Variants in STAB2 observed in about 807,000 individuals in gnomAD.
STAB2 encodes stabilin-2.
STAB2 carries 288 observed loss-of-function variants against 338.1 expected under a neutral mutation model. The observed-to-expected ratio is 0.85, with a 90% CI of 0.77 to 0.94. STAB2 has a LOEUF of 0.94. Ranked by LOEUF, STAB2 falls within the 40% of genes least tolerant of loss-of-function variation. The pLI is 0.00. For synonymous variants in STAB2, 1,202 were observed against 1,193.3 expected, an observed-to-expected ratio of 1.01 and a Z score of -0.15; for missense variants, 3,141 against 3,210.1, an observed-to-expected ratio of 0.98 and a Z score of 0.52.
intron 34 of STAB2, among the ~76,000 whole-genome samples, chr12:103,700,755 T>C (rs1223151523): frequency 6.6e-6 from 1 of 152,252 alleles, no homozygotes; most frequent in Non-Finnish European, 1.5e-5. Context: ...GCAGAAATTC[T>C]TTTATCTAGA....
At chr12:103,613,006 T>C (rs1957150096) in intron 3 of STAB2, among the ~76,000 whole-genome samples, 1 of 152,188 alleles carries the variant, frequency 6.6e-6, no homozygotes, top group South Asian at 2.1e-4. Context: ...ACAGCAAATA[T>C]TGGTGAACAG....
At chr12:103,683,076 TTA>T (rs1877071183) in intron 25 of STAB2, 127 bp from the exon 26 acceptor site, 3 of 641,348 alleles carry the variant, frequency 4.7e-6, no homozygotes, top group Non-Finnish European at 7.8e-6. Context: ...GCAAAAGGCA[TTA>T]ACACTGTTCT....
chr12:103,617,766 T>G (rs759476030), intron 3 of STAB2, among the ~76,000 whole-genome samples: 1 of 152,242 alleles, frequency 6.6e-6, no homozygotes, highest in Non-Finnish European at 1.5e-5. Flanking sequence ...ACCTGAGCTG[T>G]TGTCCTGGGG....
chr12:103,683,377 G>T (rs1041102381), intron 26 of STAB2, 77 bp downstream of exon 26: 1 of 1,343,246 alleles, frequency 7.4e-7, no homozygotes, highest in Non-Finnish European at 1.0e-6. Flanking sequence ...ATTATTTCCT[G>T]TCTGGCCTAG....
At chr12:103,703,889 G>A (rs1879117253) in intron 35 of STAB2, among the ~76,000 whole-genome samples, 1 of 152,258 alleles carries the variant, frequency 6.6e-6, no homozygotes, top group East Asian at 1.9e-4. Context: ...ACTCTACCAA[G>A]TAGGTACTAT....
chr12:103,609,839 C>T (rs1342049912), intron 3 of STAB2, among the ~76,000 whole-genome samples: 1 of 152,042 alleles, frequency 6.6e-6, no homozygotes, highest in Non-Finnish European at 1.5e-5. Context: ...ATAAATAGCT[C>T]TTATTATTTT....
At chr12:103,713,090 C>T (rs965055818) in intron 41 of STAB2, among the ~76,000 whole-genome samples, 5 of 152,160 alleles carry the variant, frequency 3.3e-5, no homozygotes, top group African/African-American at 9.7e-5. Flanking sequence ...TTCTTGACTG[C>T]TCTTTGCATT....
chr12:103,715,955 C>A, intron 43 of STAB2, 67 bp downstream of exon 43: 2 of 1,524,550 alleles, frequency 1.3e-6, no homozygotes, highest in African/African-American at 1.4e-5. Context: ...TAGACACAGG[C>A]CTGAGAGAAA....
At chr12:103,697,057 C>T (rs1878469641) in intron 33 of STAB2, among the ~76,000 whole-genome samples, 1 of 152,186 alleles carries the variant, frequency 6.6e-6, no homozygotes, top group African/African-American at 2.4e-5. Flanking sequence ...AGGAAGGCTG[C>T]TCTTCTTCCT....
chr12:103,728,329 C>G (rs1432939247), intron 47 of STAB2, among the ~76,000 whole-genome samples: 1 of 151,664 alleles, frequency 6.6e-6, no homozygotes, highest in Non-Finnish European at 1.5e-5. Context: ...AGGCTGGTCT[C>G]GAACTCCTGG....
At chr12:103,752,001 G>C (rs771443956) in intron 60 of STAB2, among the ~76,000 whole-genome samples, 2 of 152,262 alleles carry the variant, frequency 1.3e-5, no homozygotes, top group Non-Finnish European at 2.9e-5. Flanking sequence ...GTTCATAGGA[G>C]GGCAAACTGC....
Position 103,731,604 on chromosome 12 carries a change from A to G in STAB2, c.5252A>G (p.Asn1751Ser). Reference protein sequence around the residue: ...LQNLTTLATNNGYIKFSNLIQ... With the variant: ...LQNLTTLATNSGYIKFSNLIQ... ...AATCTTACGACTTTGGCAACAAACA[A>G]TGGCTACATCAAATTTAGCAACTTA... is the stretch of plus-strand genomic sequence containing the variant. Residue 1751 changes from asparagine (N) to serine (S), a missense_variant, in exon 50 of 69, where the codon AAT (asparagine) becomes AGT (serine). Coordinates refer to ENST00000388887, the MANE Select transcript of STAB2 (RefSeq NM_017564.10). 1 of 1,613,952 alleles carries G rather than the reference A, an allele frequency of 6.2e-7. No homozygotes were observed.
chr12:103,658,196 ATC>A (rs1874333881), intron 15 of STAB2, among the ~76,000 whole-genome samples: 1 of 152,230 alleles, frequency 6.6e-6, no homozygotes, highest in African/African-American at 2.4e-5. Flanking sequence ...AGGTCAAATT[ATC>A]TCTTTCTGCC....
At position 103,735,556 on chromosome 12, in the gene STAB2, G is replaced by A. The variant is rs1177981477; in HGVS notation, c.5526G>A (p.Val1842=). ...CCCTGCAAGGTTCAGAGCTGAGTGT[G>A]AAATGTGGAGCTGGCAGGGACATCG... ...WKTLQGSELS[V]KCGAGRDIGD... is the part of the protein sequence containing the mutation. The change falls in exon 52 of 69, where the codon GTG becomes GTA. Residue 1842 remains valine (V), a synonymous_variant. Coordinates refer to ENST00000388887, the MANE Select transcript of STAB2 (RefSeq NM_017564.10). 4 of 1,400,530 alleles carry A rather than the reference G, an allele frequency of 2.9e-6. No individual in the cohort carries two copies. Among genetic ancestry groups the A allele is most frequent in the Non-Finnish European group, 2.9e-6 (3 of 1,045,784 alleles). 86.8% of individuals were successfully genotyped at this position (1,400,530 alleles called of 1,614,324 possible).
chr12:103,735,581 G>A lies in STAB2; in HGVS notation c.5550+1G>A, dbSNP rs749366279. 4.1e-5 allele frequency: 47 copies of A among 1,133,906 alleles called. No individual in the cohort carries two copies. Among genetic ancestry groups the A allele is most frequent in the Middle Eastern group, 3.0e-4 (1 of 3,354 alleles). The allele number at this position is 1,133,906 out of a possible 1,614,324, so 70.2% of individuals were successfully genotyped here. A position where few individuals can be genotyped will look rare whatever the true frequency, so the allele number is the denominator to read the frequency against. On this transcript the variant is annotated splice_donor_variant, in intron 52 of 68. Transcript: ENST00000388887. LOFTEE classifies it high-confidence loss of function. Reference sequence around the variant, plus strand: ...GAAATGTGGAGCTGGCAGGGACATCGTGAGTATCATCATGAAGGGTGGGCA... The same window carrying A: ...GAAATGTGGAGCTGGCAGGGACATCATGAGTATCATCATGAAGGGTGGGCA...
At position 103,623,011 on chromosome 12, in the gene STAB2, T is replaced by G. The variant is rs12830698; in HGVS notation, c.487+900T>G. 9.7e-3 allele frequency among the ~76,000 whole-genome samples: 1,482 copies of G among 152,342 alleles called. 6 individuals are homozygous for G. Among genetic ancestry groups the G allele is most frequent in the South Asian group, 0.045 (215 of 4,830 alleles). ...TAAAGAAACAAATTTGAGACTGGCT[T>G]GTTCACTCTCTTATTTTTGGCTGCC... is the stretch of plus-strand genomic sequence containing the variant. On this transcript the variant is annotated intron_variant, in intron 5 of 68. Coordinates refer to ENST00000388887, the MANE Select transcript of STAB2 (RefSeq NM_017564.10).
chr12:103,621,166 GC>G (rs1404644217), intron 4 of STAB2, among the ~76,000 whole-genome samples: 3 of 151,968 alleles, frequency 2.0e-5, no homozygotes, highest in Non-Finnish European at 2.9e-5. Flanking sequence ...GTAAAATGAG[GC>G]CATATATGTG....
chr12:103,619,523 C>CA (rs1957263861), intron 3 of STAB2, among the ~76,000 whole-genome samples: 1 of 152,048 alleles, frequency 6.6e-6, no homozygotes, highest in Non-Finnish European at 1.5e-5. Context: ...CCTGCCCCAC[C>CA]ATGAAATATA....
At chr12:103,711,450 G>A (rs748870976) in intron 39 of STAB2, 21 bp from the exon 40 acceptor site, 3 of 1,614,040 alleles carry the variant, frequency 1.9e-6, no homozygotes, top group African/African-American at 1.3e-5. Context: ...GGCTAAGACA[G>A]CAACTGGTTC....
Sources: allele counts gnomAD v4.1 joint callset (sites outside exome capture counted in the v4.1 genomes callset), GRCh38; gene constraint gnomAD v4.1.1; transcripts MANE v1.5; gene names NCBI Gene and HGNC (gene_info 2026-07-23, HGNC 2026-07-21).